TRIM2: variants seen among roughly 807,000 people sequenced by gnomAD.
TRIM2 encodes tripartite motif-containing protein 2.
In TRIM2, 20 loss-of-function variants were observed where a neutral mutation model predicts 75.2. That is an observed-to-expected ratio of 0.27 (90% confidence interval 0.19 to 0.39). TRIM2 has a LOEUF of 0.39. Ranked by LOEUF, TRIM2 falls within the 10% of genes least tolerant of loss-of-function variation. The pLI is 1.00. For missense variants in TRIM2, 660 were observed against 990.8 expected (o/e 0.67, Z 4.48); for synonymous variants, 373 against 388.3 (o/e 0.96, Z 0.46).
intron 1 of TRIM2, among the ~76,000 whole-genome samples, chr4:153,235,849 C>A (rs549051051): frequency 2.6e-5 from 4 of 152,142 alleles, no homozygotes; most frequent in Non-Finnish European, 5.9e-5. Context: ...ACCCAAGTGT[C>A]ACCTCCTCCG....
intron 1 of TRIM2, among the ~76,000 whole-genome samples, chr4:153,256,131 T>C (rs1377962555): frequency 6.6e-6 from 1 of 152,236 alleles, no homozygotes; most frequent in Non-Finnish European, 1.5e-5. Flanking sequence ...TACAATTCAA[T>C]GAAGCTTTAA....
intron 1 of TRIM2, among the ~76,000 whole-genome samples, chr4:153,211,743 G>T (rs190909479): frequency 4.5e-4 from 68 of 151,964 alleles, no homozygotes; most frequent in South Asian, 4.2e-3. Flanking sequence ...GCCCACCTGG[G>T]CCTCCCAAAG....
chr4:153,185,465 T>G (rs1376133473), intron 1 of TRIM2, among the ~76,000 whole-genome samples: 1 of 152,220 alleles, frequency 6.6e-6, no homozygotes, highest in Non-Finnish European at 1.5e-5. Context: ...GCCTACTGCA[T>G]GTCTCGGTGT....
intron 1 of TRIM2, among the ~76,000 whole-genome samples, chr4:153,188,654 C>T (rs997850912): frequency 7.2e-5 from 11 of 151,766 alleles, no homozygotes; most frequent in African/African-American, 2.7e-4. Flanking sequence ...GAGGGGCTGG[C>T]ACAGTGGCTC....
intron 1 of TRIM2, among the ~76,000 whole-genome samples, chr4:153,225,310 T>C (rs1579780689): frequency 6.6e-6 from 1 of 152,212 alleles, no homozygotes; most frequent in Admixed American, 6.5e-5. Context: ...GGTCAGCACC[T>C]GGCAAATGCT....
Position 153,337,899 on chromosome 4 carries a change from C to G in TRIM2, c.*2933C>G. The G allele has an allele frequency of 2.0e-6, 2 of 985,732 alleles. No homozygotes were observed. Among genetic ancestry groups the G allele is most frequent in the Non-Finnish European group, 2.4e-6 (2 of 829,884 alleles). 61.1% of individuals were successfully genotyped at this position (985,732 alleles called of 1,614,324 possible). A position where few individuals can be genotyped will look rare whatever the true frequency, so the allele number is the denominator to read the frequency against. On this transcript the variant is annotated 3_prime_UTR_variant, in exon 12 of 12. Coordinates refer to ENST00000338700, the MANE Select transcript of TRIM2 (RefSeq NM_015271.5). Reference sequence around the variant, plus strand: ...ACGACGCATTTCCTCCCAGTACAGACCCCCCAGCCCCCCTTGCTGGACATG... The same window carrying G: ...ACGACGCATTTCCTCCCAGTACAGAGCCCCCAGCCCCCCTTGCTGGACATG...
intron 6 of TRIM2, among the ~76,000 whole-genome samples, chr4:153,300,542 G>A (rs1470474229): frequency 2.0e-5 from 3 of 151,976 alleles, no homozygotes; most frequent in African/African-American, 4.8e-5. Flanking sequence ...GATTAGTGAT[G>A]TTCAACATTT....
At chr4:153,300,123 A>T (rs1763562538) in intron 6 of TRIM2, among the ~76,000 whole-genome samples, 1 of 152,216 alleles carries the variant, frequency 6.6e-6, no homozygotes, top group Admixed American at 6.5e-5. Flanking sequence ...TTGCTGGTTC[A>T]TATGATAATT....
At position 153,337,502 on chromosome 4, in the gene TRIM2, CTA is replaced by C. The variant is rs1772588788; in HGVS notation, c.*2540_*2541del. 1.0e-6 allele frequency: 1 copy of C among 985,668 alleles called. No individual in the cohort carries two copies. Among genetic ancestry groups the C allele is most frequent in the African/African-American group, 1.7e-5 (1 of 57,222 alleles). The allele number at this position is 985,668 out of a possible 1,614,324, so 61.1% of individuals were successfully genotyped here. ...CATGCTATGAGCACTCCAGGAAACA[CTA>C]TATTTTTTCCAAAAAATATGTGATT... is the stretch of plus-strand genomic sequence containing the variant. On this transcript the variant is annotated 3_prime_UTR_variant, in exon 12 of 12. Coordinates refer to ENST00000338700, the MANE Select transcript of TRIM2 (RefSeq NM_015271.5).
At chr4:153,200,905 G>C (rs1043713991), upstream of TRIM2, among the ~76,000 whole-genome samples, 1 of 151,006 alleles carries the variant, frequency 6.6e-6, no homozygotes, top group South Asian at 2.1e-4. Context: ...TCCTGCCTTA[G>C]CCTCCCAAAT....
intron 1 of TRIM2, among the ~76,000 whole-genome samples, chr4:153,244,652 T>A (rs1485145685): frequency 5.3e-5 from 8 of 152,014 alleles, no homozygotes; most frequent in Non-Finnish European, 1.2e-4. Flanking sequence ...GGGAAACAAC[T>A]TTATTAATTG....
intron 1 of TRIM2, among the ~76,000 whole-genome samples, chr4:153,163,538 G>C (rs1420400206): frequency 9.7e-6 from 1 of 102,826 alleles, no homozygotes; most frequent in South Asian, 3.2e-4. Flanking sequence ...GTCTTGTTCT[G>C]TCACCTAGGC....
At chr4:153,209,990 C>T (rs1406706744) in intron 1 of TRIM2, among the ~76,000 whole-genome samples, 2 of 151,554 alleles carry the variant, frequency 1.3e-5, no homozygotes, top group Admixed American at 1.3e-4. Context: ...AGCATTTGTG[C>T]TTTTCAAGAT....
At chr4:153,201,836 G>A (rs750437266), upstream of TRIM2, among the ~76,000 whole-genome samples, 131 of 152,290 alleles carry the variant, frequency 8.6e-4, no homozygotes, top group African/African-American at 2.9e-3. Context: ...TGTCACGGGC[G>A]TGTCCTCAAC....
chr4:153,198,476 G>C (rs1004618522), intron 1 of TRIM2, among the ~76,000 whole-genome samples: 1 of 152,054 alleles, frequency 6.6e-6, no homozygotes, highest in Non-Finnish European at 1.5e-5. Context: ...ATGATTACGA[G>C]ACCTCCCCAG....
At chr4:153,244,126 C>CTTCTTCTTCTTG (rs1213831254) in intron 1 of TRIM2, among the ~76,000 whole-genome samples, 3 of 145,770 alleles carry the variant, frequency 2.1e-5, no homozygotes, top group Non-Finnish European at 4.5e-5. Flanking sequence ...CTGCCATCTT[C>CTTCTTCTTCTTG]TTCTTCTTCT....
intron 1 of TRIM2, among the ~76,000 whole-genome samples, chr4:153,230,418 G>A (rs1743308733): frequency 6.6e-6 from 1 of 152,168 alleles, no homozygotes; most frequent in Non-Finnish European, 1.5e-5. Flanking sequence ...TTGGGCTCAA[G>A]CGATCTGCCT....
intron 1 of TRIM2, among the ~76,000 whole-genome samples, chr4:153,192,537 G>T (rs1464263679): frequency 6.6e-6 from 1 of 150,460 alleles, no homozygotes; most frequent in Non-Finnish European, 1.5e-5. Flanking sequence ...AGCCTGGAAG[G>T]TCAAGTTTAC....
At position 153,244,394 on chromosome 4, in the gene TRIM2, TTC is replaced by T. The variant is rs1194480722; in HGVS notation, c.31-25939_31-25938del. 1.9e-3 allele frequency among the ~76,000 whole-genome samples: 152 copies of T among 81,830 alleles called. 14 individuals are homozygous for T. The highest frequency in any genetic ancestry group is 2.9e-3 in the Non-Finnish European group (131 of 45,538). The allele number at this position is 81,830 out of a possible 152,430, so 53.7% of individuals were successfully genotyped here. On this transcript the variant is annotated intron_variant, in intron 1 of 11. Coordinates refer to ENST00000338700, the MANE Select transcript of TRIM2 (RefSeq NM_015271.5). ...CTTCTTCTTCTTCTTCTTCTTCTTC[TTC>T]TTCTTCTTCTTCTTCTTCTTCTTCT... is the stretch of plus-strand genomic sequence containing the variant.
Sources: allele counts gnomAD v4.1 joint callset (sites outside exome capture counted in the v4.1 genomes callset), GRCh38; gene constraint gnomAD v4.1.1; transcripts MANE v1.5; gene names NCBI Gene and HGNC (gene_info 2026-07-23, HGNC 2026-07-21).